Variants in FBXO16 observed in about 807,000 individuals in gnomAD.
FBXO16 encodes the protein F-box protein 16.
A neutral mutation model predicts 41.0 loss-of-function variants in FBXO16; 31 were observed. That is an observed-to-expected ratio of 0.76 (90% CI 0.57 to 1.02). FBXO16 has a LOEUF of 1.02. FBXO16 is among the 50% of genes least tolerant of loss of function. The pLI is 0.00. For missense variants in FBXO16, 361 were observed against 346.2 expected, an observed-to-expected ratio of 1.04 and a Z score of -0.34; for synonymous variants, 133 against 117.8, an observed-to-expected ratio of 1.13 and a Z score of -0.84.
At chr8:28,456,158 AATGAAT>A (rs1331702468) in intron 5 of FBXO16, among the ~76,000 whole-genome samples, 2 of 152,004 alleles carry the variant, frequency 1.3e-5, no homozygotes, top group Non-Finnish European at 2.9e-5. Context: ...GGACTATACG[AATGAAT>A]ATAAGCATTG....
At chr8:28,471,805 CAAAAAAAAA>C (rs557259701) in intron 3 of FBXO16, among the ~76,000 whole-genome samples, 3,248 of 23,706 alleles carry the variant, frequency 0.14, 59 homozygotes, top group Middle Eastern at 0.21. Context: ...CAGAGAATCT[CAAAAAAAAA>C]AAAAAAAAAA....
intron 7 of FBXO16, among the ~76,000 whole-genome samples, chr8:28,432,377 G>A (rs1802621015): frequency 1.3e-5 from 2 of 152,058 alleles, no homozygotes; most frequent in Non-Finnish European, 2.9e-5. Flanking sequence ...AGGAGGCTGA[G>A]GCAGGAGAAT....
At chr8:28,460,342 C>T (rs531707976) in intron 4 of FBXO16, among the ~76,000 whole-genome samples, 1 of 124,540 alleles carries the variant, frequency 8.0e-6, no homozygotes, top group African/African-American at 3.3e-5. Flanking sequence ...TTCAACCCCC[C>T]AGCCTTAAGC....
intron 1 of FBXO16, among the ~76,000 whole-genome samples, chr8:28,487,798 T>C (rs1395628601): frequency 6.6e-6 from 1 of 152,112 alleles, no homozygotes; most frequent in Non-Finnish European, 1.5e-5. Flanking sequence ...TGCTGTTGCT[T>C]TTTTGTGATC....
chr8:28,437,456 T>C (rs578108221), intron 7 of FBXO16, among the ~76,000 whole-genome samples: 8 of 152,210 alleles, frequency 5.3e-5, no homozygotes, highest in Non-Finnish European at 8.8e-5. Flanking sequence ...ATTCATCTTT[T>C]AGGTATCAAA....
At chr8:28,472,001 T>C (rs558721975) in intron 3 of FBXO16, among the ~76,000 whole-genome samples, 3 of 151,196 alleles carry the variant, frequency 2.0e-5, no homozygotes, top group African/African-American at 4.9e-5. Flanking sequence ...TCAGGATCTA[T>C]AGAAGGGTAT....
intron 3 of FBXO16, among the ~76,000 whole-genome samples, chr8:28,468,178 G>T (rs1310361644): frequency 6.6e-6 from 1 of 152,150 alleles, no homozygotes; most frequent in African/African-American, 2.4e-5. Flanking sequence ...TATGAGATTG[G>T]GGGACCGTCA....
chr8:28,438,555 G>T (rs1279410254), intron 7 of FBXO16, among the ~76,000 whole-genome samples: 1 of 152,100 alleles, frequency 6.6e-6, no homozygotes, highest in African/African-American at 2.4e-5. Context: ...CAGGGTGATG[G>T]CTTAGTATGA....
chr8:28,442,173 C>T (rs913198194), intron 7 of FBXO16, among the ~76,000 whole-genome samples: 3 of 151,890 alleles, frequency 2.0e-5, no homozygotes, highest in South Asian at 2.1e-4. Context: ...CTCCTGACTT[C>T]GTGATCTGCC....
chr8:28,457,074 A>G, intron 4 of FBXO16, 144 bp from the exon 5 acceptor site: 1 of 745,486 alleles, frequency 1.3e-6, no homozygotes, highest in East Asian at 2.8e-5. Flanking sequence ...TTAAATGGTT[A>G]CCTCCTACCT....
chr8:28,447,916 T>G (rs919679341), intron 6 of FBXO16, among the ~76,000 whole-genome samples: 2 of 152,008 alleles, frequency 1.3e-5, no homozygotes, highest in Admixed American at 1.3e-4. Flanking sequence ...ATCACACCAC[T>G]GCACTCCAGC....
At chr8:28,432,964 G>A (rs1174571782) in intron 7 of FBXO16, among the ~76,000 whole-genome samples, 1 of 151,728 alleles carries the variant, frequency 6.6e-6, no homozygotes, top group East Asian at 1.9e-4. Flanking sequence ...GGGAGGCCGA[G>A]ACAGGAGAAT....
At chr8:28,472,445 G>T (rs1803353145) in intron 3 of FBXO16, among the ~76,000 whole-genome samples, 2 of 152,100 alleles carry the variant, frequency 1.3e-5, no homozygotes, top group African/African-American at 4.8e-5. Context: ...TAGAAGGCAG[G>T]ATCTCTTGGG....
intron 2 of FBXO16, among the ~76,000 whole-genome samples, chr8:28,478,640 T>C (rs772688992): frequency 1.3e-5 from 2 of 152,024 alleles, no homozygotes; most frequent in Non-Finnish European, 2.9e-5. Context: ...CTGGCCACCA[T>C]GGTGAAACTC....
chr8:28,430,835 G>C (rs1043614002), intron 7 of FBXO16, among the ~76,000 whole-genome samples: 4 of 152,106 alleles, frequency 2.6e-5, no homozygotes, highest in African/African-American at 9.7e-5. Flanking sequence ...AGCTGGGCAT[G>C]GTGGTGGGTG....
chr8:28,443,045 G>A (rs1041654311), intron 7 of FBXO16, among the ~76,000 whole-genome samples: 1 of 151,058 alleles, frequency 6.6e-6, no homozygotes, highest in African/African-American at 2.4e-5. Flanking sequence ...TTTAGGTAGG[G>A]TCTCGCTCTG....
At chr8:28,482,102 G>A (rs527622119) in intron 2 of FBXO16, among the ~76,000 whole-genome samples, 4 of 152,250 alleles carry the variant, frequency 2.6e-5, no homozygotes, top group Admixed American at 2.0e-4. Flanking sequence ...CATGCCACTC[G>A]CTGCTTTGTG....
At chr8:28,453,206 A>G (rs956981792) in intron 5 of FBXO16, among the ~76,000 whole-genome samples, 1 of 149,392 alleles carries the variant, frequency 6.7e-6, no homozygotes, top group Non-Finnish European at 1.5e-5. Context: ...CTACAAAAGT[A>G]GTAAGTTGGA....
intron 7 of FBXO16, among the ~76,000 whole-genome samples, chr8:28,435,656 G>C (rs180866064): frequency 1.3e-5 from 2 of 152,130 alleles, no homozygotes; most frequent in Non-Finnish European, 2.9e-5. Flanking sequence ...TACAGAAAAG[G>C]TTAAAGCAAA....
Sources: gnomAD v4.1 joint callset for allele counts (sites outside exome capture counted in the v4.1 genomes callset) on GRCh38, gnomAD v4.1.1 for gene constraint, MANE v1.5 for transcripts, NCBI Gene and HGNC (gene_info 2026-07-23, HGNC 2026-07-21) for gene names.